Variants in PIK3CG observed in about 807,000 individuals in gnomAD.
PIK3CG encodes the protein phosphatidylinositol-4,5-bisphosphate 3-kinase catalytic subunit gamma.
PIK3CG carries 55 observed loss-of-function variants against 102.3 expected under a neutral mutation model. The observed-to-expected ratio is 0.54, with a 90% confidence interval of 0.43 to 0.67. The LOEUF is 0.67. Ranked by LOEUF, PIK3CG falls within the 30% of genes least tolerant of loss-of-function variation. The pLI is 0.00. For synonymous variants in PIK3CG, 552 were observed against 540.0 expected, an observed-to-expected ratio of 1.02 and a Z score of -0.31; for missense variants, 1,258 against 1,391.8, an observed-to-expected ratio of 0.90 and a Z score of 1.53.
chr7:106,871,619 A>G (rs538610895), intron 2 of PIK3CG, among the ~76,000 whole-genome samples: 4 of 152,348 alleles, frequency 2.6e-5, no homozygotes, highest in South Asian at 4.1e-4. Flanking sequence ...TCATGTTTAC[A>G]TATAACATCT....
chr7:106,868,676 T>A lies in PIK3CG; in HGVS notation c.1115T>A (p.Val372Asp). 6.2e-7 allele frequency: 1 copy of A among 1,614,182 alleles called. No homozygotes were observed. Among genetic ancestry groups the A allele is most frequent in the Non-Finnish European group, 8.5e-7 (1 of 1,180,030 alleles). Residue 372 changes from valine (V) to aspartate (D), a missense_variant, in exon 2 of 11, where the codon GTC becomes GAC. This residue lies in a region of PIK3CG where 832 missense variants were observed against 787.5 expected (regional missense o/e 1.06). Coordinates refer to ENST00000496166, the MANE Select transcript of PIK3CG (RefSeq NM_001282426.2). This position sits in a 1 kb window ranked among gnomAD's most constrained non-coding sequence, Gnocchi z 6.2. ...RVKIRGIDIP[V>D]LPRNTDLTVF... Reference sequence around the variant, plus strand: ...AAGATCAGAGGCATTGATATCCCCGTCCTGCCTCGGAACACCGACCTCACA... The same window carrying A: ...AAGATCAGAGGCATTGATATCCCCGACCTGCCTCGGAACACCGACCTCACA...
Position 106,867,720 on chromosome 7 carries a change from C to A in PIK3CG, c.159C>A (p.Ser53Arg), listed in dbSNP as rs763476347. 1 of 1,613,130 alleles carries A rather than the reference C, an allele frequency of 6.2e-7. No homozygotes were observed. Among genetic ancestry groups the A allele is most frequent in the Middle Eastern group, 1.6e-4 (1 of 6,062 alleles). The change falls in exon 2 of 11, where the codon AGC (serine) becomes AGA (arginine). Residue 53 changes from serine to arginine, a missense_variant. By Grantham distance (110) the Ser-to-Arg change is moderately radical (BLOSUM62 -1). Transcript: ENST00000496166. This position sits in a 1 kb window ranked among gnomAD's most constrained non-coding sequence, Gnocchi z 5.1. ...CCACCAGCCAGCGCAAATGCAAGAG[C>A]CCCGAAACGGCGCTGCTGCACGTGG... ...VLPTSQRKCK[S>R]PETALLHVAG...
In PIK3CG at chr7:106,869,669, C is replaced by A; in HGVS notation, c.1995+113C>A. 1 of 854,908 alleles carries A rather than the reference C, an allele frequency of 1.2e-6. No individual in the cohort carries two copies. The highest frequency in any genetic ancestry group is 1.8e-6 in the Non-Finnish European group (1 of 560,014). The allele number at this position is 854,908 out of a possible 1,614,324, so 53.0% of individuals were successfully genotyped here. ...TGCCCTTTGTTCAGAGCTTCATCATCGGCAAAAGTAGATATGATGAAGCTG... is the reference window on the plus strand; with the variant it reads ...TGCCCTTTGTTCAGAGCTTCATCATAGGCAAAAGTAGATATGATGAAGCTG... On this transcript the variant is annotated intron_variant, in intron 2 of 10. Transcript: ENST00000496166. This position sits in a 1 kb window ranked among gnomAD's most constrained non-coding sequence, Gnocchi z 5.3.
intron 2 of PIK3CG, among the ~76,000 whole-genome samples, chr7:106,871,114 G>A (rs1179923021): frequency 2.0e-5 from 3 of 152,188 alleles, no homozygotes; most frequent in African/African-American, 7.2e-5. Flanking sequence ...CATTGAATTT[G>A]TGGTCTTAAA....
chr7:106,885,449 C>T (rs1649767686), intron 9 of PIK3CG, among the ~76,000 whole-genome samples: 1 of 152,098 alleles, frequency 6.6e-6, no homozygotes, highest in Admixed American at 6.5e-5. Context: ...TGAGATTTTT[C>T]TCTATGAATT....
chr7:106,890,829 G>A lies in PIK3CG; in HGVS notation c.3030+4537G>A, dbSNP rs926700227. On this transcript the variant is annotated intron_variant, in intron 10 of 10. Transcript: ENST00000496166. The surrounding 1 kb of genome is among the most constrained non-coding windows in gnomAD (Gnocchi z 4.2). ...TCATGCCACACTGTTCCCCTCATCT[G>A]CTCCCTCATCACTGTGGCCTTCCTC... is the stretch of plus-strand genomic sequence containing the variant. Among the ~76,000 whole-genome samples the A allele has an allele frequency of 2.6e-5, 4 of 152,176 alleles. No individual in the cohort carries two copies. Among genetic ancestry groups the A allele is most frequent in the African/African-American group, 7.2e-5 (3 of 41,448 alleles).
chr7:106,866,020 CTAAGTA>C (rs1457079213), intron 1 of PIK3CG, among the ~76,000 whole-genome samples: 6 of 152,194 alleles, frequency 3.9e-5, no homozygotes, highest in Admixed American at 1.3e-4. Flanking sequence ...GTTTCACTTA[CTAAGTA>C]TAACTTCATA....
intron 10 of PIK3CG, among the ~76,000 whole-genome samples, chr7:106,904,717 T>C (rs1169372115): frequency 6.6e-6 from 1 of 152,232 alleles, no homozygotes. Context: ...TCATTAGTTC[T>C]TGGCAAACAT....
chr7:106,867,897 G>A lies in PIK3CG; in HGVS notation c.336G>A (p.Lys112=), dbSNP rs1562953435. 1 of 1,613,262 alleles carries A rather than the reference G, an allele frequency of 6.2e-7. No homozygotes were observed. The highest frequency in any genetic ancestry group is 8.5e-7 in the Non-Finnish European group (1 of 1,179,996). Reference sequence around the variant, plus strand: ...GGCAGTGGTACGAGATCTACGACAAGTACCAGGTGGTGCAGACTCTGGACT... The same window carrying A: ...GGCAGTGGTACGAGATCTACGACAAATACCAGGTGGTGCAGACTCTGGACT... The part of the protein sequence containing the change: ...KKGQWYEIYD[K]YQVVQTLDCL... The change falls in exon 2 of 11, where the codon AAG becomes AAA. Residue 112 remains lysine, a synonymous_variant. Transcript: ENST00000496166. The surrounding 1 kb of genome is among the most constrained non-coding windows in gnomAD (Gnocchi z 5.1).
chr7:106,906,170 T>A lies in PIK3CG; in HGVS notation c.*783T>A, dbSNP rs1562804949. The A allele has an allele frequency of 1.3e-5, 3 of 228,950 alleles. No individual in the cohort carries two copies. The highest frequency in any genetic ancestry group is 2.6e-5 in the Non-Finnish European group (3 of 115,952). The allele number at this position is 228,950 out of a possible 1,614,324, so 14.2% of individuals were successfully genotyped here. A position where few individuals can be genotyped will look rare whatever the true frequency, so the allele number is the denominator to read the frequency against. ...CAGGGCCTCTTTTATGCCTGACATT[T>A]CTTCCCTTCCTTTTTCCCTGCCTCC... On this transcript the variant is annotated 3_prime_UTR_variant, in exon 11 of 11. Coordinates refer to ENST00000496166, the MANE Select transcript of PIK3CG (RefSeq NM_001282426.2).
At position 106,884,068 on chromosome 7, in the gene PIK3CG, G is replaced by A; in HGVS notation, c.2761-87G>A. On this transcript the variant is annotated intron_variant, in intron 8 of 10. Coordinates refer to ENST00000496166, the MANE Select transcript of PIK3CG (RefSeq NM_001282426.2). This position sits in a 1 kb window ranked among gnomAD's most constrained non-coding sequence, Gnocchi z 4.2. ...ACTTGCTCTCTGAAAATGGTTTCCA[G>A]AATATTCTCTTTTTAGAAGTCATTT... The A allele has an allele frequency of 9.5e-7, 1 of 1,047,382 alleles. No homozygotes were observed. The highest frequency in any genetic ancestry group is 1.5e-6 in the Non-Finnish European group (1 of 688,474). The allele number at this position is 1,047,382 out of a possible 1,614,324, so 64.9% of individuals were successfully genotyped here. A position where few individuals can be genotyped will look rare whatever the true frequency, so the allele number is the denominator to read the frequency against.
rs2116626494 is a variant in PIK3CG at position 106,907,986 on chromosome 7, C to A, written c.*2599C>A. Among the ~76,000 whole-genome samples, 1 of 152,140 alleles carries A rather than the reference C, an allele frequency of 6.6e-6. No homozygotes were observed. The highest frequency in any genetic ancestry group is 2.1e-4 in the South Asian group (1 of 4,826). On this transcript the variant is annotated 3_prime_UTR_variant, in exon 11 of 11. Coordinates refer to ENST00000496166, the MANE Select transcript of PIK3CG (RefSeq NM_001282426.2). ...TCGCAGTGAATTACATGACGAACAACTTCTATACCTTTGAAAATGTTCTAG... is the reference window on the plus strand; with the variant it reads ...TCGCAGTGAATTACATGACGAACAAATTCTATACCTTTGAAAATGTTCTAG...
chr7:106,895,476 C>T lies in PIK3CG; in HGVS notation c.3030+9184C>T, dbSNP rs1014928486. 3.9e-5 allele frequency among the ~76,000 whole-genome samples: 6 copies of T among 152,134 alleles called. No homozygotes were observed. In the East Asian group the frequency reaches 1.2e-3, roughly 29 times the overall value. ...CGGGCAGGGCAGGTGCTCGGCTGTG[C>T]CCCCCAGGGTGAGAGAACCACCTGC... On this transcript the variant is annotated intron_variant, in intron 10 of 10. Coordinates refer to ENST00000496166, the MANE Select transcript of PIK3CG (RefSeq NM_001282426.2). The surrounding 1 kb of genome is among the most constrained non-coding windows in gnomAD (Gnocchi z 5.4).
intron 1 of PIK3CG, among the ~76,000 whole-genome samples, chr7:106,866,792 ACT>A (rs1790300206): frequency 1.3e-5 from 2 of 152,218 alleles, no homozygotes; most frequent in Admixed American, 1.3e-4. Context: ...CTGTAACTTT[ACT>A]AATTCCGATA....
Position 106,883,001 on chromosome 7 carries a change from A to G in PIK3CG, c.2630-32A>G, listed in dbSNP as rs849397. On this transcript the variant is annotated intron_variant, in intron 7 of 10. Transcript: ENST00000496166. This position sits in a 1 kb window ranked among gnomAD's most constrained non-coding sequence, Gnocchi z 5.8. Reference sequence around the variant, plus strand: ...CCTCTGGGCCAGGTACTGGCCCCCAATCTCCATCAGACTCTGTGCATCCTT... The same window carrying G: ...CCTCTGGGCCAGGTACTGGCCCCCAGTCTCCATCAGACTCTGTGCATCCTT... 0.1 allele frequency: 166,546 copies of G among 1,608,168 alleles called. 9,582 individuals carry two copies. Among genetic ancestry groups the G allele is most frequent in the African/African-American group, 0.21 (15,557 of 74,590 alleles).
chr7:106,873,749 AAC>A (rs769822968), intron 4 of PIK3CG, among the ~76,000 whole-genome samples: 11 of 149,678 alleles, frequency 7.3e-5, no homozygotes, highest in East Asian at 2.0e-4. Flanking sequence ...AAAGGTAATA[AAC>A]ACACACACAC....
Position 106,889,348 on chromosome 7 carries a change from A to ATT in PIK3CG, c.3030+3064_3030+3065dup, listed in dbSNP as rs36046401. ...ATCATTTGACTATGACCTTGTGGTA[A>ATT]TTTTTTTTTCTTTTACATACTGCTA... On this transcript the variant is annotated intron_variant, in intron 10 of 10. Transcript: ENST00000496166. Among the ~76,000 whole-genome samples the ATT allele has an allele frequency of 2.6e-5, 4 of 151,840 alleles. No individual in the cohort carries two copies. In the East Asian group the frequency reaches 7.8e-4, roughly 29 times the overall value.
rs544760922 is a variant in PIK3CG at position 106,894,137 on chromosome 7, A to T, written c.3030+7845A>T. Among the ~76,000 whole-genome samples, 1 of 152,218 alleles carries T rather than the reference A, an allele frequency of 6.6e-6. No individual in the cohort carries two copies. The highest frequency in any genetic ancestry group is 1.9e-4 in the East Asian group (1 of 5,178). On this transcript the variant is annotated intron_variant, in intron 10 of 10. Transcript: ENST00000496166. The surrounding 1 kb of genome is among the most constrained non-coding windows in gnomAD (Gnocchi z 4.4). The stretch of plus-strand genomic sequence containing the variant: ...AGCCTCCTTCCCCAACCCATTGTGG[A>T]TTGTTTCCTTTCCTTTTTTCAGCCA...
Position 106,867,830 on chromosome 7 carries a change from G to A in PIK3CG, c.269G>A (p.Arg90Gln), listed in dbSNP as rs749392283. ...AGCGTGGCGGCGGACTTCTACCACCGGCTGGGACCGCATCACTTCCTCCTG... is the reference window on the plus strand; with the variant it reads ...AGCGTGGCGGCGGACTTCTACCACCAGCTGGGACCGCATCACTTCCTCCTG... ...ETSVAADFYH[R>Q]LGPHHFLLLY... Residue 90 changes from arginine to glutamine, a missense_variant, in exon 2 of 11, where the codon CGG (arginine) becomes CAG (glutamine). Around this residue, in one of 2 missense-constraint regions of PIK3CG, gnomAD observed 832 missense variants for 787.5 expected, o/e 1.06. Transcript: ENST00000496166. This position sits in a 1 kb window ranked among gnomAD's most constrained non-coding sequence, Gnocchi z 5.1. The A allele has an allele frequency of 5.6e-6, 9 of 1,612,368 alleles. No homozygotes were observed. The highest frequency in any genetic ancestry group is 2.5e-6 in the Non-Finnish European group (3 of 1,179,958).
Sources: allele counts gnomAD v4.1 joint callset (sites outside exome capture counted in the v4.1 genomes callset), GRCh38; gene constraint gnomAD v4.1.1; regional missense constraint gnomAD v4.1.1; non-coding constraint Gnocchi (gnomAD v3.1); transcripts MANE v1.5; gene names NCBI Gene and HGNC (gene_info 2026-07-23, HGNC 2026-07-21).